The following ARHGEF6 variants were observed in gnomAD, a reference collection of about 807,000 sequenced individuals.
ARHGEF6 encodes the protein Rac/Cdc42 guanine nucleotide exchange factor 6.
A neutral mutation model predicts 70.3 loss-of-function variants in ARHGEF6; 9 were observed. That is an observed-to-expected ratio of 0.13 (90% CI 0.08 to 0.22). ARHGEF6 has a LOEUF of 0.22. Among genes scored for constraint, ARHGEF6 ranks in the 10% least tolerant of loss-of-function variants. The pLI, the probability that ARHGEF6 is intolerant of heterozygous loss-of-function variation, is 1.00. For missense variants in ARHGEF6, 470 were observed against 563.0 expected (o/e 0.83, Z 1.67); for synonymous variants, 201 against 207.8 (o/e 0.97, Z 0.28).
Position 136,672,125 on chromosome X carries a change from A to G in ARHGEF6, c.2036-6T>C. The G allele has an allele frequency of 8.5e-7, 1 of 1,177,988 alleles. No individual in the cohort carries two copies. Among genetic ancestry groups the G allele is most frequent in the South Asian group, 1.8e-5 (1 of 56,191 alleles). On this transcript the variant is annotated splice_region_variant and splice_polypyrimidine_tract_variant and intron_variant, in intron 19 of 21. Transcript: ENST00000250617. The stretch of plus-strand genomic sequence containing the variant: ...AATGGAATCTTTTCGAGTACCTACA[A>G]ACAAGGGTTGCAAGATGGGGGAGGA...
At chrX:136,674,617 C>G (rs1459204359) in intron 19 of ARHGEF6, among the ~76,000 whole-genome samples, 1 of 112,309 alleles carries the variant, frequency 8.9e-6, no homozygotes, top group Non-Finnish European at 1.9e-5. Flanking sequence ...ATTTTGACTT[C>G]CTTTCCAAAT....
At chrX:136,711,499 T>C (rs1227757678) in intron 7 of ARHGEF6, among the ~76,000 whole-genome samples, 2 of 112,183 alleles carry the variant, frequency 1.8e-5, no homozygotes, top group African/African-American at 6.5e-5. Flanking sequence ...CTCTAAGAAA[T>C]ATGATTCACA....
intron 2 of ARHGEF6, among the ~76,000 whole-genome samples, chrX:136,761,677 C>G (rs1368742354): frequency 1.8e-5 from 2 of 112,004 alleles, no homozygotes. Context: ...TTTGTTTTGC[C>G]TTCTAGAGAT....
At position 136,734,082 on chromosome X, in the gene ARHGEF6, G is replaced by A. The variant is rs986920337; in HGVS notation, c.662-1910C>T. On this transcript the variant is annotated intron_variant, in intron 5 of 21. Coordinates refer to ENST00000250617, the MANE Select transcript of ARHGEF6 (RefSeq NM_004840.3). Reference sequence around the variant, plus strand: ...GAAACACAGATGTAGAAATGGCAATGCTCAAGGCAGAACTGTTCTTGCGAC... The same window carrying A: ...GAAACACAGATGTAGAAATGGCAATACTCAAGGCAGAACTGTTCTTGCGAC... Among the ~76,000 whole-genome samples the A allele has an allele frequency of 3.6e-5, 4 of 112,320 alleles. No individual in the cohort carries two copies. In the Admixed American group the frequency reaches 3.8e-4, roughly 11 times the overall value.
chrX:136,666,404 G>A lies in ARHGEF6; in HGVS notation c.*1625C>T, dbSNP rs1433371375. 2 of 111,871 alleles carry A rather than the reference G, an allele frequency of 1.8e-5. No homozygotes were observed. Among genetic ancestry groups the A allele is most frequent in the African/African-American group, 6.5e-5 (2 of 30,743 alleles). The allele number at this position is 111,871 out of a possible 1,213,427, so 9.2% of individuals were successfully genotyped here. ...GAGGTGTCTCTCTGTTACCTAGGTT[G>A]GAGTGCAGTGGTGTCATCACAGCTC... On this transcript the variant is annotated 3_prime_UTR_variant, in exon 22 of 22. Transcript: ENST00000250617.
intron 6 of ARHGEF6, among the ~76,000 whole-genome samples, chrX:136,723,100 T>C (rs2076816442): frequency 8.9e-6 from 1 of 111,873 alleles, no homozygotes; most frequent in African/African-American, 3.2e-5. Context: ...ATAGGCAAAA[T>C]CCATACAGAC....
intron 9 of ARHGEF6, among the ~76,000 whole-genome samples, chrX:136,691,457 G>A (rs143406942): frequency 8.9e-6 from 1 of 112,148 alleles, no homozygotes; most frequent in Non-Finnish European, 1.9e-5. Flanking sequence ...GTTTAGCACC[G>A]TTCCAAACTG....
At chrX:136,685,569 TGCACTCCAGCC>T in intron 12 of ARHGEF6, 97 bp downstream of exon 12, 5 of 940,297 alleles carry the variant, frequency 5.3e-6, no homozygotes, top group Non-Finnish European at 7.3e-6. Flanking sequence ...ATGGCACCAC[TGCACTCCAGCC>T]TGAGTGACAG....
intron 9 of ARHGEF6, among the ~76,000 whole-genome samples, chrX:136,692,078 C>T (rs983154952): frequency 2.7e-5 from 3 of 111,019 alleles, no homozygotes; most frequent in African/African-American, 9.8e-5. Context: ...AATCCCCACC[C>T]ACACTCTCCC....
chrX:136,684,213 T>C (rs1486183297), intron 12 of ARHGEF6, among the ~76,000 whole-genome samples: 1 of 112,118 alleles, frequency 8.9e-6, no homozygotes, highest in Non-Finnish European at 1.9e-5. Context: ...GGAATTTCCA[T>C]GACACCATGC....
At chrX:136,770,939 G>A (rs892124139) in intron 2 of ARHGEF6, among the ~76,000 whole-genome samples, 4 of 112,666 alleles carry the variant, frequency 3.6e-5, no homozygotes, top group Admixed American at 2.8e-4. Context: ...TGAGACTGCA[G>A]TGAGCTGTAA....
chrX:136,677,088 A>G (rs189665182), intron 17 of ARHGEF6, among the ~76,000 whole-genome samples: 5 of 112,490 alleles, frequency 4.4e-5, no homozygotes, highest in Non-Finnish European at 9.4e-5. Context: ...CCACTGATAC[A>G]GTTTTAGGGG....
intron 6 of ARHGEF6, among the ~76,000 whole-genome samples, chrX:136,721,526 G>A (rs1171678031): frequency 9.0e-6 from 1 of 111,421 alleles, no homozygotes; most frequent in Non-Finnish European, 1.9e-5. Flanking sequence ...TCACACCACT[G>A]CACTCCAGTC....
At chrX:136,718,696 G>A (rs1203917621) in intron 6 of ARHGEF6, among the ~76,000 whole-genome samples, 1 of 111,150 alleles carries the variant, frequency 9.0e-6, no homozygotes, top group African/African-American at 3.3e-5. Flanking sequence ...GGGCCAATAT[G>A]ATATTGTGTT....
intron 13 of ARHGEF6, among the ~76,000 whole-genome samples, chrX:136,682,418 A>G (rs2076341333): frequency 8.9e-6 from 1 of 112,222 alleles, no homozygotes. Context: ...GACTATAATA[A>G]GACAAACATA....
chrX:136,667,871 T>C lies in ARHGEF6; in HGVS notation c.*158A>G, dbSNP rs112837910. The C allele has an allele frequency of 1.2e-3, 850 of 713,483 alleles. 12 individuals carry two copies. In the African/African-American group the frequency reaches 0.016, roughly 14 times the overall value. 58.8% of individuals were successfully genotyped at this position (713,483 alleles called of 1,213,427 possible). On this transcript the variant is annotated 3_prime_UTR_variant, in exon 22 of 22. Transcript: ENST00000250617. The stretch of plus-strand genomic sequence containing the variant: ...GCGCGCACGTGCACGCACACACATA[T>C]GCACACAGCGGGGAGAGAAAGAGAA...
At chrX:136,716,396 G>C (rs1387304249) in intron 6 of ARHGEF6, among the ~76,000 whole-genome samples, 4 of 111,702 alleles carry the variant, frequency 3.6e-5, no homozygotes, top group African/African-American at 1.3e-4. Context: ...GGGAGAACTA[G>C]GAAGCACGGG....
intron 6 of ARHGEF6, among the ~76,000 whole-genome samples, chrX:136,727,369 CTTTCTTTCTTTCTTTCTTTCTTTCTT>C (rs1569410918): frequency 3.9e-4 from 26 of 67,156 alleles, no homozygotes; most frequent in South Asian, 2.9e-3. Flanking sequence ...TTCTTTCTTT[CTTTCTTTCTTTCTTTCTTTCTTTCTT>C]TCTCTCTCTC....
chrX:136,703,561 T>G (rs2076597083), intron 9 of ARHGEF6, among the ~76,000 whole-genome samples: 1 of 112,647 alleles, frequency 8.9e-6, no homozygotes, highest in African/African-American at 3.2e-5. Flanking sequence ...TCACTCTTGT[T>G]GCCCAGGCAG....
Sources: gnomAD v4.1 joint callset for allele counts (sites outside exome capture counted in the v4.1 genomes callset) on GRCh38, gnomAD v4.1.1 for gene constraint, MANE v1.5 for transcripts, NCBI Gene and HGNC (gene_info 2026-07-23, HGNC 2026-07-21) for gene names.